COL26A1: variants seen among roughly 807,000 people sequenced by gnomAD.
COL26A1 encodes the protein collagen type XXVI alpha 1 chain, also known as collagen alpha-1(XXVI) chain.
Under a neutral mutation model 59.3 loss-of-function variants are expected in COL26A1, and 41 were observed. The ratio of observed to expected loss-of-function variants is 0.69; its 90% CI spans 0.54 to 0.90. COL26A1 has a LOEUF of 0.90. Ranked by LOEUF, COL26A1 falls within the 40% of genes least tolerant of loss-of-function variation. The probability of loss-of-function intolerance (pLI) is 0.00; values close to 1 mark genes in which losing one functional copy is unlikely to be tolerated. For synonymous variants in COL26A1, 266 were observed against 256.0 expected, an observed-to-expected ratio of 1.04 and a Z score of -0.37; for missense variants, 612 against 602.3, an observed-to-expected ratio of 1.02 and a Z score of -0.17.
At chr7:101,521,341 C>T (rs768289879) in intron 3 of COL26A1, among the ~76,000 whole-genome samples, 1 of 152,142 alleles carries the variant, frequency 6.6e-6, no homozygotes, top group Non-Finnish European at 1.5e-5. Flanking sequence ...ATTTGGTTCT[C>T]ATAATGCAAA....
intron 1 of COL26A1, among the ~76,000 whole-genome samples, chr7:101,367,196 C>G (rs927870263): frequency 2.6e-5 from 4 of 152,154 alleles, no homozygotes; most frequent in Admixed American, 2.6e-4. Flanking sequence ...GTGGTCTAGT[C>G]TACCATATTA....
chr7:101,499,275 C>T (rs147231611), intron 3 of COL26A1, among the ~76,000 whole-genome samples: 72 of 152,306 alleles, frequency 4.7e-4, no homozygotes, highest in South Asian at 3.5e-3. Flanking sequence ...GGCACATTGG[C>T]CCACATCTAT....
intron 4 of COL26A1, among the ~76,000 whole-genome samples, chr7:101,539,329 T>A (rs936731409): frequency 4.0e-5 from 6 of 151,402 alleles, no homozygotes; most frequent in African/African-American, 1.5e-4. Context: ...TGCGTATGTG[T>A]GTGTGCTTTT....
Position 101,476,578 on chromosome 7 carries a change from C to T in COL26A1, c.385+28791C>T, listed in dbSNP as rs1486013653. Among the ~76,000 whole-genome samples, 9 of 148,588 alleles carry T rather than the reference C, an allele frequency of 6.1e-5. No individual in the cohort carries two copies. In the South Asian group the frequency reaches 6.3e-4, roughly 10 times the overall value. On this transcript the variant is annotated intron_variant, in intron 3 of 12. Transcript: ENST00000313669. ...TTTTTTTTTTTTTGAGACGGAGTCTCGCTCTGTTGCCCAGGCTGGAGTGCA... is the reference window on the plus strand; with the variant it reads ...TTTTTTTTTTTTTGAGACGGAGTCTTGCTCTGTTGCCCAGGCTGGAGTGCA...
chr7:101,542,061 G>T (rs1200698999), intron 5 of COL26A1, among the ~76,000 whole-genome samples: 1 of 151,858 alleles, frequency 6.6e-6, no homozygotes, highest in Non-Finnish European at 1.5e-5. Flanking sequence ...CTGCCTCCTG[G>T]GCTCAAGGGA....
chr7:101,476,550 C>CA (rs1554418601), intron 3 of COL26A1, among the ~76,000 whole-genome samples: 1 of 143,906 alleles, frequency 6.9e-6, no homozygotes, highest in Admixed American at 7.0e-5. Context: ...TACTTGGTTA[C>CA]TTTTTTTTTT....
Position 101,555,344 on chromosome 7 carries a change from G to A in COL26A1, c.1081-443G>A, listed in dbSNP as rs552719996. ...TGCCCCTTGCCTGCTGTTTGGTGGC[G>A]AGCTCTTGGGCATTCAAGGAAGGAA... On this transcript the variant is annotated intron_variant, in intron 11 of 12. Coordinates refer to ENST00000313669, the MANE Select transcript of COL26A1 (RefSeq NM_001278563.3). Among the ~76,000 whole-genome samples the A allele has an allele frequency of 2.8e-4, 43 of 152,260 alleles. No homozygotes were observed. The East Asian group carries it at 8.1e-3, about 29-fold the overall frequency.
At chr7:101,419,644 G>A (rs1056314424) in intron 1 of COL26A1, among the ~76,000 whole-genome samples, 3 of 152,232 alleles carry the variant, frequency 2.0e-5, no homozygotes, top group Non-Finnish European at 2.9e-5. Context: ...TGTTCACCAC[G>A]TGGTGGAACG....
intron 4 of COL26A1, among the ~76,000 whole-genome samples, chr7:101,539,538 G>A (rs916426216): frequency 2.6e-5 from 4 of 152,046 alleles, no homozygotes; most frequent in African/African-American, 9.7e-5. Context: ...GTGTTGCCCA[G>A]GCTGGTCTCA....
chr7:101,500,966 G>A (rs879486872), intron 3 of COL26A1, among the ~76,000 whole-genome samples: 161 of 151,598 alleles, frequency 1.1e-3, no homozygotes, highest in African/African-American at 2.7e-3. Context: ...GGCGGATCAC[G>A]AGGTCAGGAG....
At chr7:101,393,950 A>T (rs980527818) in intron 1 of COL26A1, among the ~76,000 whole-genome samples, 9 of 149,752 alleles carry the variant, frequency 6.0e-5, no homozygotes, top group South Asian at 2.1e-4. Context: ...TTAAAAAAAA[A>T]TTTTTTTTTT....
rs141042207 is a variant in COL26A1 at position 101,390,988 on chromosome 7, C to T, written c.158+27798C>T. On this transcript the variant is annotated intron_variant, in intron 1 of 12. Transcript: ENST00000313669. ...TCCCTCTCTAGGTCTACTCTTTGGC[C>T]TGTGCCCTTTGCCTCTGGCCTGACC... Among the ~76,000 whole-genome samples the T allele has an allele frequency of 8.1e-3, 1,227 of 152,306 alleles. 6 individuals are homozygous for T. The highest frequency in any genetic ancestry group is 0.013 in the Non-Finnish European group (905 of 68,030).
At position 101,557,671 on chromosome 7, in the gene COL26A1, C is replaced by A; in HGVS notation, c.*141C>A. 1 of 845,474 alleles carries A rather than the reference C, an allele frequency of 1.2e-6. No homozygotes were observed. The highest frequency in any genetic ancestry group is 1.8e-6 in the Non-Finnish European group (1 of 565,846). The allele number at this position is 845,474 out of a possible 1,614,324, so 52.4% of individuals were successfully genotyped here. A position where few individuals can be genotyped will look rare whatever the true frequency, so the allele number is the denominator to read the frequency against. Reference sequence around the variant, plus strand: ...GTGAGGACATGGGGGGCTTTGGGGACAGATAATGTCTCCAGGGGCAGGGTC... The same window carrying A: ...GTGAGGACATGGGGGGCTTTGGGGAAAGATAATGTCTCCAGGGGCAGGGTC... On this transcript the variant is annotated 3_prime_UTR_variant, in exon 13 of 13. Transcript: ENST00000313669.
intron 1 of COL26A1, among the ~76,000 whole-genome samples, chr7:101,414,580 G>A (rs2130254134): frequency 6.6e-6 from 1 of 152,208 alleles, no homozygotes; most frequent in Middle Eastern, 3.4e-3. Flanking sequence ...TGGGATCACA[G>A]GCACCTGCCA....
At chr7:101,406,511 CA>C (rs1792132678) in intron 1 of COL26A1, among the ~76,000 whole-genome samples, 1 of 152,198 alleles carries the variant, frequency 6.6e-6, no homozygotes, top group Admixed American at 6.5e-5. Context: ...GAAGTGCTCT[CA>C]GGGGGCTGTT....
intron 6 of COL26A1, 103 bp from the exon 7 acceptor site, chr7:101,545,234 CT>C: frequency 8.9e-7 from 1 of 1,124,582 alleles, no homozygotes; most frequent in Non-Finnish European, 1.2e-6. Context: ...CTGTGGGCCC[CT>C]GACCAACCCT....
At chr7:101,536,835 T>G (rs1795493021) in intron 4 of COL26A1, among the ~76,000 whole-genome samples, 1 of 152,242 alleles carries the variant, frequency 6.6e-6, no homozygotes, top group South Asian at 2.1e-4. Context: ...AGTGAGCTGG[T>G]TGATGCCTCA....
At position 101,425,678 on chromosome 7, in the gene COL26A1, T is replaced by C. The variant is rs969842898; in HGVS notation, c.281+5579T>C. Among the ~76,000 whole-genome samples the C allele has an allele frequency of 2.6e-5, 4 of 151,014 alleles. No homozygotes were observed. The South Asian group carries it at 8.4e-4, about 32-fold the overall frequency. On this transcript the variant is annotated intron_variant, in intron 2 of 12. Coordinates refer to ENST00000313669, the MANE Select transcript of COL26A1 (RefSeq NM_001278563.3). Reference sequence around the variant, plus strand: ...CACCTGGCTAATTTTTTTTTCTGTATATTTAGTGGAAATGGGGTTTCACCA... The same window carrying C: ...CACCTGGCTAATTTTTTTTTCTGTACATTTAGTGGAAATGGGGTTTCACCA...
chr7:101,431,730 T>C (rs1792784527), intron 2 of COL26A1, among the ~76,000 whole-genome samples: 1 of 152,158 alleles, frequency 6.6e-6, no homozygotes, highest in Non-Finnish European at 1.5e-5. Context: ...GATGACTACA[T>C]TGAGTAACTC....
Sources: allele counts gnomAD v4.1 joint callset (sites outside exome capture counted in the v4.1 genomes callset), GRCh38; gene constraint gnomAD v4.1.1; transcripts MANE v1.5; gene names NCBI Gene and HGNC (gene_info 2026-07-23, HGNC 2026-07-21).